The following SNTG1 variants were observed in gnomAD, a reference collection of about 807,000 sequenced individuals.
The protein encoded by SNTG1 is syntrophin gamma 1, also known as gamma-1-syntrophin.
A neutral mutation model predicts 74.7 loss-of-function variants in SNTG1; 39 were observed. That is an observed-to-expected ratio of 0.52 (90% CI 0.40 to 0.68). The LOEUF (loss-of-function observed/expected upper bound fraction) is 0.68. Among genes scored for constraint, SNTG1 ranks in the 30% least tolerant of loss-of-function variants. SNTG1 has a pLI of 0.00. For missense variants in SNTG1, 685 were observed against 609.5 expected, an observed-to-expected ratio of 1.12 and a Z score of -1.30; for synonymous variants, 254 against 217.1, an observed-to-expected ratio of 1.17 and a Z score of -1.49.
At chr8:50,722,041 T>G (rs2095488847) in intron 17 of SNTG1, among the ~76,000 whole-genome samples, 1 of 150,628 alleles carries the variant, frequency 6.6e-6, no homozygotes, top group Non-Finnish European at 1.5e-5. Context: ...TATGAAAAAT[T>G]CTGCTTGATA....
intron 1 of SNTG1, among the ~76,000 whole-genome samples, chr8:49,964,651 C>A (rs142674655): frequency 7.9e-5 from 12 of 152,284 alleles, no homozygotes; most frequent in Admixed American, 2.6e-4. Flanking sequence ...GGAACAGGTG[C>A]GTTCTACTCA....
chr8:50,309,467 G>A (rs570553300), intron 2 of SNTG1, among the ~76,000 whole-genome samples: 21 of 152,234 alleles, frequency 1.4e-4, no homozygotes, highest in Admixed American at 1.2e-3. Flanking sequence ...CAAAGCTAAT[G>A]CTGGGAAAAC....
intron 17 of SNTG1, among the ~76,000 whole-genome samples, chr8:50,720,926 G>C (rs2131590640): frequency 6.6e-6 from 1 of 152,114 alleles, no homozygotes; most frequent in South Asian, 2.1e-4. Flanking sequence ...GTTAACATAG[G>C]GTTTAGTTTA....
At chr8:50,590,819 G>A (rs2094686574) in intron 12 of SNTG1, 60 bp from the exon 13 acceptor site, 2 of 1,085,814 alleles carry the variant, frequency 1.8e-6, no homozygotes, top group Non-Finnish European at 2.7e-6. Context: ...ATAAAATTCT[G>A]GGGACCTTGT....
At chr8:50,572,122 C>G (rs187027884) in intron 12 of SNTG1, among the ~76,000 whole-genome samples, 2 of 152,046 alleles carry the variant, frequency 1.3e-5, no homozygotes, top group Admixed American at 1.3e-4. Flanking sequence ...CTGAAGCCCA[C>G]GGTGACTGTG....
chr8:50,124,884 G>A (rs188033579), intron 1 of SNTG1, among the ~76,000 whole-genome samples: 1 of 141,762 alleles, frequency 7.1e-6, no homozygotes, highest in African/African-American at 2.6e-5. Context: ...AATATTTGTT[G>A]TGTTAAAGGG....
chr8:50,022,987 A>T (rs1211427168), intron 1 of SNTG1, among the ~76,000 whole-genome samples: 1 of 152,232 alleles, frequency 6.6e-6, no homozygotes, highest in East Asian at 1.9e-4. Context: ...AAAACAAAAA[A>T]TGTACAAACA....
intron 2 of SNTG1, among the ~76,000 whole-genome samples, chr8:50,354,367 C>G (rs903935774): frequency 6.6e-6 from 1 of 152,138 alleles, no homozygotes; most frequent in African/African-American, 2.4e-5. Flanking sequence ...AACATCATCA[C>G]ATAGAGTTGG....
chr8:50,083,061 C>T (rs968966774), intron 1 of SNTG1, among the ~76,000 whole-genome samples: 1 of 152,158 alleles, frequency 6.6e-6, no homozygotes. Flanking sequence ...CATATCCTTC[C>T]AATTTGGGTT....
intron 1 of SNTG1, among the ~76,000 whole-genome samples, chr8:50,056,114 T>C (rs1274387141): frequency 6.6e-6 from 1 of 152,144 alleles, no homozygotes; most frequent in Admixed American, 6.5e-5. Context: ...CCACAATAGA[T>C]AAAACATGAA....
chr8:50,382,322 T>C (rs757692648), intron 2 of SNTG1: 1 of 152,146 alleles, frequency 6.6e-6, no homozygotes, highest in African/African-American at 2.4e-5. Flanking sequence ...ATATCTAGTA[T>C]ATATTATATT....
chr8:50,102,406 G>A (rs1236789130), intron 1 of SNTG1, among the ~76,000 whole-genome samples: 1 of 150,626 alleles, frequency 6.6e-6, no homozygotes, highest in Admixed American at 6.6e-5. Context: ...TGATGGGGTT[G>A]TTTGTTTTTT....
chr8:49,970,642 G>A (rs1811577980), intron 1 of SNTG1, among the ~76,000 whole-genome samples: 1 of 152,166 alleles, frequency 6.6e-6, no homozygotes, highest in African/African-American at 2.4e-5. Context: ...CACGTAGAGG[G>A]TCAGAGAAGG....
intron 17 of SNTG1, among the ~76,000 whole-genome samples, chr8:50,729,197 C>T (rs1460389805): frequency 6.6e-6 from 1 of 152,180 alleles, no homozygotes; most frequent in Non-Finnish European, 1.5e-5. Context: ...TGTGGCTTGG[C>T]TCATCCCTGA....
chr8:50,657,237 T>C (rs1301657341), intron 14 of SNTG1, among the ~76,000 whole-genome samples: 3 of 152,180 alleles, frequency 2.0e-5, no homozygotes, highest in East Asian at 3.8e-4. Flanking sequence ...AACTTACTTC[T>C]TTATAAATAG....
At chr8:50,352,365 A>G (rs1218912206) in intron 2 of SNTG1, among the ~76,000 whole-genome samples, 1 of 150,806 alleles carries the variant, frequency 6.6e-6, no homozygotes, top group Non-Finnish European at 1.5e-5. Context: ...AACATCTGAC[A>G]TCCTCCTTAT....
intron 1 of SNTG1, among the ~76,000 whole-genome samples, chr8:49,987,114 T>C (rs530439026): frequency 4.0e-4 from 61 of 152,154 alleles, no homozygotes; most frequent in Non-Finnish European, 9.0e-4. Context: ...TTGGTTTCCA[T>C]GAGGAGATAC....
chr8:50,197,015 A>G (rs1337957663), intron 2 of SNTG1, among the ~76,000 whole-genome samples: 2 of 152,034 alleles, frequency 1.3e-5, no homozygotes, highest in Non-Finnish European at 2.9e-5. Flanking sequence ...TGAAAGTAGC[A>G]TACAGAGAGA....
intron 1 of SNTG1, among the ~76,000 whole-genome samples, chr8:50,074,608 A>G (rs1441713231): frequency 6.6e-6 from 1 of 152,188 alleles, no homozygotes; most frequent in Non-Finnish European, 1.5e-5. Context: ...TTATTATAGT[A>G]ACATTAAAGA....
Sources: gnomAD v4.1 joint callset for allele counts (sites outside exome capture counted in the v4.1 genomes callset) on GRCh38, gnomAD v4.1.1 for gene constraint, MANE v1.5 for transcripts, NCBI Gene and HGNC (gene_info 2026-07-23, HGNC 2026-07-21) for gene names.